The following PLS1 variants were observed in gnomAD, a reference collection of about 807,000 sequenced individuals.
The protein encoded by PLS1 is plastin-1.
PLS1 carries 32 observed loss-of-function variants against 73.7 expected under a neutral mutation model. That is an observed-to-expected ratio of 0.43 (90% confidence interval 0.33 to 0.58). The LOEUF is 0.58. PLS1 is among the 20% of genes least tolerant of loss of function. The probability of loss-of-function intolerance (pLI) is 0.04; values close to 1 mark genes in which losing one functional copy is unlikely to be tolerated. For missense variants in PLS1, 633 were observed against 740.5 expected (o/e 0.85, Z 1.68); for synonymous variants, 217 against 261.3 (o/e 0.83, Z 1.63).
At chr3:142,691,246 G>C (rs368238644) in intron 10 of PLS1, among the ~76,000 whole-genome samples, 1 of 151,514 alleles carries the variant, frequency 6.6e-6, no homozygotes, top group South Asian at 2.1e-4. Flanking sequence ...TGAAGGTCCC[G>C]TAAAATAAAA....
chr3:142,656,923 C>CT (rs1223220026), intron 1 of PLS1: 4 of 152,178 alleles, frequency 2.6e-5, no homozygotes, highest in African/African-American at 9.7e-5. Flanking sequence ...ACTATCAAGT[C>CT]TTTTTCCATA....
chr3:142,610,523 TG>T (rs2036102488), intron 1 of PLS1, among the ~76,000 whole-genome samples: 1 of 152,168 alleles, frequency 6.6e-6, no homozygotes, highest in Non-Finnish European at 1.5e-5. Context: ...GCCCATAGGA[TG>T]TTTTTTTAAT....
chr3:142,669,344 C>A, intron 2 of PLS1, 46 bp from the exon 3 acceptor site: 2 of 1,147,338 alleles, frequency 1.7e-6, no homozygotes, highest in East Asian at 2.6e-5. Flanking sequence ...TTATTGTACA[C>A]CTTCAACAAA....
rs371036980 is a variant in PLS1 at position 142,712,009 on chromosome 3, C to A, written c.*2C>A. The A allele has an allele frequency of 6.2e-7, 1 of 1,611,808 alleles. No homozygotes were observed. The highest frequency in any genetic ancestry group is 8.5e-7 in the Non-Finnish European group (1 of 1,178,204). The stretch of plus-strand genomic sequence containing the variant: ...AAAGGACTGAACAGAATAAAATAAT[C>A]ATTTCATATGATTTTCTGCCACATT... On this transcript the variant is annotated 3_prime_UTR_variant, in exon 16 of 16. Coordinates refer to ENST00000457734, the MANE Select transcript of PLS1 (RefSeq NM_001145319.2).
intron 1 of PLS1, among the ~76,000 whole-genome samples, chr3:142,632,028 A>G (rs990274522): frequency 9.2e-5 from 14 of 152,184 alleles, no homozygotes; most frequent in Non-Finnish European, 1.8e-4. Flanking sequence ...GTAACTAAAA[A>G]CAACCTAATT....
intron 1 of PLS1, among the ~76,000 whole-genome samples, chr3:142,601,048 C>T (rs2035918102): frequency 1.4e-5 from 2 of 143,860 alleles, no homozygotes; most frequent in African/African-American, 2.6e-5. Context: ...CTCAGCCTCC[C>T]GAGTAGCTGG....
chr3:142,704,555 C>A lies in PLS1; in HGVS notation c.1598C>A (p.Ala533Glu). 6.4e-7 allele frequency: 1 copy of A among 1,570,462 alleles called. No homozygotes were observed. Among genetic ancestry groups the A allele is most frequent in the Non-Finnish European group, 8.6e-7 (1 of 1,158,428 alleles). The change falls in exon 14 of 16, where the codon GCA becomes GAA. Residue 533 changes from alanine (A) to glutamate (E), a missense_variant. Transcript: ENST00000457734. ...TGGGTCAATCAGACTCTTAAAAGTGCAAACAAAAAGACTTCTATTTCCAGC... is the reference window on the plus strand; with the variant it reads ...TGGGTCAATCAGACTCTTAAAAGTGAAAACAAAAAGACTTCTATTTCCAGC... ...IKWVNQTLKS[A>E]NKKTSISSFK...
At chr3:142,657,368 C>T (rs1326632751) in intron 1 of PLS1, among the ~76,000 whole-genome samples, 2 of 152,134 alleles carry the variant, frequency 1.3e-5, no homozygotes, top group Non-Finnish European at 2.9e-5. Flanking sequence ...TAAGTAAGCC[C>T]TCTAGGAGGT....
chr3:142,602,073 A>T (rs1257807121), intron 1 of PLS1, among the ~76,000 whole-genome samples: 3 of 151,800 alleles, frequency 2.0e-5, no homozygotes, highest in South Asian at 2.1e-4. Flanking sequence ...AGCCACATTT[A>T]AAAAAACCAA....
intron 8 of PLS1, among the ~76,000 whole-genome samples, chr3:142,685,034 C>A (rs1425263227): frequency 1.3e-5 from 2 of 151,956 alleles, no homozygotes; most frequent in African/African-American, 2.4e-5. Context: ...TCCTGCCCCC[C>A]AAGAGTAATC....
chr3:142,670,145 A>C (rs796822698), intron 3 of PLS1, among the ~76,000 whole-genome samples: 7 of 152,344 alleles, frequency 4.6e-5, no homozygotes, highest in African/African-American at 1.4e-4. Flanking sequence ...GACTCAGGGA[A>C]GGTATCCCTA....
chr3:142,624,016 G>C (rs1482986311), intron 1 of PLS1, among the ~76,000 whole-genome samples: 2 of 152,066 alleles, frequency 1.3e-5, no homozygotes, highest in Non-Finnish European at 2.9e-5. Flanking sequence ...GATGGAAACA[G>C]CTCTTCCAGT....
intron 1 of PLS1, among the ~76,000 whole-genome samples, chr3:142,628,681 A>G (rs1398525257): frequency 6.6e-6 from 1 of 152,226 alleles, no homozygotes; most frequent in Non-Finnish European, 1.5e-5. Context: ...TTAGGCCACC[A>G]TGAAGAATCA....
At chr3:142,653,461 A>G (rs1050469358) in intron 1 of PLS1, among the ~76,000 whole-genome samples, 3 of 151,704 alleles carry the variant, frequency 2.0e-5, no homozygotes, top group Non-Finnish European at 4.4e-5. Flanking sequence ...CCCGTGCTCA[A>G]GCGATCCTCC....
chr3:142,635,113 G>A (rs376307773), intron 1 of PLS1, among the ~76,000 whole-genome samples: 1 of 151,946 alleles, frequency 6.6e-6, no homozygotes, highest in East Asian at 1.9e-4. Context: ...TTGAAATTGT[G>A]TAATAGTGCT....
At chr3:142,710,534 C>T (rs1054723062) in intron 14 of PLS1, among the ~76,000 whole-genome samples, 2 of 152,114 alleles carry the variant, frequency 1.3e-5, no homozygotes, top group African/African-American at 4.8e-5. Flanking sequence ...ACAAGGTTAT[C>T]ACCCTACCCC....
chr3:142,664,017 C>G, intron 1 of PLS1, 185 bp from the exon 2 acceptor site: 1 of 306,586 alleles, frequency 3.3e-6, no homozygotes, highest in Admixed American at 4.8e-5. Flanking sequence ...CTTACTGAGT[C>G]TCAGTTATAG....
At chr3:142,624,904 A>G (rs2036389805) in intron 1 of PLS1, among the ~76,000 whole-genome samples, 1 of 151,868 alleles carries the variant, frequency 6.6e-6, no homozygotes, top group Admixed American at 6.6e-5. Context: ...TCCTTTTACA[A>G]TGAATCAACC....
chr3:142,598,905 G>A (rs975522240), intron 1 of PLS1, among the ~76,000 whole-genome samples: 12 of 151,976 alleles, frequency 7.9e-5, no homozygotes, highest in Admixed American at 6.6e-4. Context: ...GGAGGCTGAG[G>A]CAGGAGAATC....
Sources: gnomAD v4.1 joint callset for allele counts (sites outside exome capture counted in the v4.1 genomes callset) on GRCh38, gnomAD v4.1.1 for gene constraint, MANE v1.5 for transcripts, NCBI Gene and HGNC (gene_info 2026-07-23, HGNC 2026-07-21) for gene names.